MEIS1: variants seen among roughly 807,000 people sequenced by gnomAD.
MEIS1 encodes the protein Meis homeobox 1.
In MEIS1, 5 loss-of-function variants were observed where a neutral mutation model predicts 50.8. The ratio of observed to expected loss-of-function variants is 0.10; its 90% CI spans 0.05 to 0.21. The LOEUF is 0.21. MEIS1 is among the 10% of genes least tolerant of loss of function. The pLI is 1.00. For missense variants in MEIS1, 318 were observed against 517.3 expected (o/e 0.61, Z 3.74); for synonymous variants, 176 against 179.3 (o/e 0.98, Z 0.15).
chr2:66,512,042 A>G, intron 7 of MEIS1, 107 bp from the exon 8 acceptor site: 1 of 1,234,628 alleles, frequency 8.1e-7, no homozygotes, highest in Non-Finnish European at 1.1e-6. Context: ...AGAAACTATT[A>G]ATCATTTAAA....
At chr2:66,537,568 A>G (rs11681729) in intron 8 of MEIS1, among the ~76,000 whole-genome samples, 35,576 of 152,082 alleles carry the variant, frequency 0.23, 5,133 homozygotes, top group Non-Finnish European at 0.33. Context: ...TTCTCTCTCA[A>G]AAATATCTCC....
chr2:66,459,657 A>G (rs928947430), intron 6 of MEIS1, among the ~76,000 whole-genome samples: 2 of 152,154 alleles, frequency 1.3e-5, no homozygotes, highest in Admixed American at 6.5e-5. Context: ...TCAAAAATAG[A>G]CAAGATTTGG....
In MEIS1 at chr2:66,573,762, A is replaced by T. The variant is rs1047619854; in HGVS notation, c.*2554A>T. 6.6e-6 allele frequency: 1 copy of T among 152,126 alleles called. No individual in the cohort carries two copies. Among genetic ancestry groups the T allele is most frequent in the Non-Finnish European group, 1.5e-5 (1 of 68,034 alleles). The allele number at this position is 152,126 out of a possible 1,614,324, so 9.4% of individuals were successfully genotyped here. A position where few individuals can be genotyped will look rare whatever the true frequency, so the allele number is the denominator to read the frequency against. On this transcript the variant is annotated 3_prime_UTR_variant, in exon 13 of 13. Transcript: ENST00000272369. ...TTGACCTAGTGGCAATTCTTCCTCT[A>T]CCTAAATAGTCGATGTGAGTGAAAT...
In MEIS1 at chr2:66,571,619, C is replaced by G; in HGVS notation, c.*411C>G. On this transcript the variant is annotated 3_prime_UTR_variant, in exon 13 of 13. Coordinates refer to ENST00000272369, the MANE Select transcript of MEIS1 (RefSeq NM_002398.3). ...TGTGGAGTTCCATTCTTGGCATCTACTCTGGACCAAGGAGCATCCCTAATT... is the reference window on the plus strand; with the variant it reads ...TGTGGAGTTCCATTCTTGGCATCTAGTCTGGACCAAGGAGCATCCCTAATT... The G allele has an allele frequency of 2.1e-6, 3 of 1,461,158 alleles. No homozygotes were observed. The highest frequency in any genetic ancestry group is 2.8e-6 in the Non-Finnish European group (3 of 1,072,018). 90.5% of individuals were successfully genotyped at this position (1,461,158 alleles called of 1,614,324 possible).
At chr2:66,443,747 C>A in intron 6 of MEIS1, 1 of 152,584 alleles carries the variant, frequency 6.6e-6, no homozygotes, top group Non-Finnish European at 1.5e-5. Context: ...GTGCTCTGGG[C>A]CCTCTGGGTT....
chr2:66,529,948 G>C (rs1674348626), intron 8 of MEIS1, among the ~76,000 whole-genome samples: 1 of 152,208 alleles, frequency 6.6e-6, no homozygotes, highest in Non-Finnish European at 1.5e-5. Flanking sequence ...GAAAGGGACT[G>C]ATTAATGAAG....
intron 1 of MEIS1, 78 bp downstream of exon 1, chr2:66,435,946 TTC>T: frequency 7.6e-7 from 1 of 1,323,328 alleles, no homozygotes; most frequent in Non-Finnish European, 1.0e-6. Flanking sequence ...GCTAAAAAGT[TTC>T]CTTTTTTTCT....
chr2:66,490,132 A>G (rs555524233), intron 7 of MEIS1, among the ~76,000 whole-genome samples: 2 of 152,360 alleles, frequency 1.3e-5, no homozygotes, highest in Non-Finnish European at 2.9e-5. Flanking sequence ...TTACATTTCC[A>G]TATTTGGCAA....
chr2:66,534,222 C>G (rs1211155047), intron 8 of MEIS1, among the ~76,000 whole-genome samples: 1 of 152,142 alleles, frequency 6.6e-6, no homozygotes, highest in Non-Finnish European at 1.5e-5. Flanking sequence ...TAAATTGATA[C>G]ACTGAACTAC....
intron 8 of MEIS1, among the ~76,000 whole-genome samples, chr2:66,522,786 G>A (rs1364047160): frequency 2.6e-5 from 4 of 152,214 alleles, no homozygotes; most frequent in Non-Finnish European, 5.9e-5. Context: ...ACTCTGGCAA[G>A]TCGGCTCAAA....
At chr2:66,543,309 A>G (rs563868217) in intron 8 of MEIS1, among the ~76,000 whole-genome samples, 1 of 152,322 alleles carries the variant, frequency 6.6e-6, no homozygotes, top group East Asian at 1.9e-4. Flanking sequence ...TCATTATTGG[A>G]AGTCACTGCA....
At chr2:66,482,302 C>T (rs943336748) in intron 7 of MEIS1, among the ~76,000 whole-genome samples, 8 of 152,240 alleles carry the variant, frequency 5.3e-5, no homozygotes, top group South Asian at 2.1e-4. Context: ...ATTTGTGAGC[C>T]TCACACCACC....
intron 8 of MEIS1, among the ~76,000 whole-genome samples, chr2:66,542,741 A>G (rs1674685711): frequency 6.6e-6 from 1 of 152,190 alleles, no homozygotes; most frequent in Non-Finnish European, 1.5e-5. Flanking sequence ...TGCTGCCATT[A>G]CAATGTGCTA....
chr2:66,496,323 A>G (rs1673402286), intron 7 of MEIS1: 1 of 152,034 alleles, frequency 6.6e-6, no homozygotes, highest in East Asian at 1.9e-4. Flanking sequence ...GTGTTTCCGT[A>G]TGCCTCCTGC....
intron 6 of MEIS1, among the ~76,000 whole-genome samples, chr2:66,444,286 C>A (rs1395717786): frequency 6.6e-6 from 1 of 152,160 alleles, no homozygotes; most frequent in Non-Finnish European, 1.5e-5. Context: ...CAAAGGCCAG[C>A]TACTCTGCAA....
chr2:66,536,041 T>C (rs879731638), intron 8 of MEIS1, among the ~76,000 whole-genome samples: 13 of 152,196 alleles, frequency 8.5e-5, no homozygotes, highest in South Asian at 4.1e-4. Flanking sequence ...ATTTGGCATA[T>C]GTTGAATTGA....
At chr2:66,531,896 G>T (rs995496585) in intron 8 of MEIS1, among the ~76,000 whole-genome samples, 12 of 151,706 alleles carry the variant, frequency 7.9e-5, no homozygotes, top group Admixed American at 2.6e-4. Context: ...AGTTCCATCT[G>T]TTGTATACTA....
chr2:66,543,998 T>A (rs748430696), intron 8 of MEIS1, among the ~76,000 whole-genome samples: 3 of 152,222 alleles, frequency 2.0e-5, no homozygotes, highest in Non-Finnish European at 2.9e-5. Context: ...TTAAACTGTG[T>A]CCTTGAGATG....
intron 7 of MEIS1, among the ~76,000 whole-genome samples, chr2:66,484,851 C>T (rs913611777): frequency 1.3e-5 from 2 of 152,202 alleles, no homozygotes; most frequent in East Asian, 1.9e-4. Context: ...TGAGCCACTG[C>T]GCCTGGCCAA....
Sources: allele counts gnomAD v4.1 joint callset (sites outside exome capture counted in the v4.1 genomes callset), GRCh38; gene constraint gnomAD v4.1.1; transcripts MANE v1.5; gene names NCBI Gene and HGNC (gene_info 2026-07-23, HGNC 2026-07-21).